DDAH1: variants seen among roughly 807,000 people sequenced by gnomAD.
The protein encoded by DDAH1 is dimethylarginine dimethylaminohydrolase 1.
A neutral mutation model predicts 28.8 loss-of-function variants in DDAH1; 19 were observed. The observed-to-expected ratio is 0.66, with a 90% confidence interval of 0.46 to 0.97. The LOEUF is 0.97. Among genes scored for constraint, DDAH1 ranks in the 50% least tolerant of loss-of-function variants. DDAH1 has a pLI of 0.00. For missense variants in DDAH1, 326 were observed against 375.9 expected, an observed-to-expected ratio of 0.87 and a Z score of 1.10; for synonymous variants, 153 against 154.4, an observed-to-expected ratio of 0.99 and a Z score of 0.07.
intron 1 of DDAH1, among the ~76,000 whole-genome samples, chr1:85,452,131 T>C (rs1272704627): frequency 2.0e-5 from 3 of 152,166 alleles, no homozygotes; most frequent in African/African-American, 4.8e-5. Context: ...ACCTTCCTAA[T>C]AGGCAATGAA....
At chr1:85,544,418 T>G (rs1424642851) in intron 1 of DDAH1, among the ~76,000 whole-genome samples, 1 of 152,168 alleles carries the variant, frequency 6.6e-6, no homozygotes, top group Non-Finnish European at 1.5e-5. Context: ...AACTCTACAT[T>G]TTAAAGAACA....
At chr1:85,338,257 A>G (rs1318178597) in intron 4 of DDAH1, among the ~76,000 whole-genome samples, 1 of 152,176 alleles carries the variant, frequency 6.6e-6, no homozygotes, top group Admixed American at 6.5e-5. Context: ...CAACAGAGAA[A>G]GGCACTATAT....
At chr1:85,514,147 TA>T (rs1229334107) in intron 1 of DDAH1, among the ~76,000 whole-genome samples, 1 of 152,154 alleles carries the variant, frequency 6.6e-6, no homozygotes, top group Non-Finnish European at 1.5e-5. Flanking sequence ...ATGTGGCACA[TA>T]TACACCATGG....
intron 2 of DDAH1, among the ~76,000 whole-genome samples, chr1:85,470,426 G>A (rs1655578192): frequency 6.6e-6 from 1 of 152,168 alleles, no homozygotes; most frequent in African/African-American, 2.4e-5. Flanking sequence ...CTCCCACTGG[G>A]TCCCTCCCAC....
chr1:85,321,861 T>C (rs1661360730), intron 5 of DDAH1, among the ~76,000 whole-genome samples: 1 of 152,212 alleles, frequency 6.6e-6, no homozygotes, highest in South Asian at 2.1e-4. Context: ...TACATGGAAG[T>C]TGGTGACCAT....
At position 85,321,640 on chromosome 1, in the gene DDAH1, T is replaced by G. The variant is rs1498375; in HGVS notation, c.742-72A>C. The G allele has an allele frequency of 2.4e-5, 28 of 1,187,800 alleles. 1 individual carries two copies. The highest frequency in any genetic ancestry group is 3.8e-4 in the Middle Eastern group (2 of 5,286). The allele number at this position is 1,187,800 out of a possible 1,614,324, so 73.6% of individuals were successfully genotyped here. A position where few individuals can be genotyped will look rare whatever the true frequency, so the allele number is the denominator to read the frequency against. On this transcript the variant is annotated intron_variant, in intron 5 of 5. Coordinates refer to ENST00000284031, the MANE Select transcript of DDAH1 (RefSeq NM_012137.4). ...ACCATCCTCAGAAGTGGAGAATCAA[T>G]TTGATTTGTACATCTAGGCTTTTCA...
At chr1:85,454,185 T>G (rs748541249) in intron 1 of DDAH1, among the ~76,000 whole-genome samples, 7 of 152,200 alleles carry the variant, frequency 4.6e-5, no homozygotes, top group Non-Finnish European at 7.3e-5. Context: ...TTTCCTGTCT[T>G]AACATAACCT....
chr1:85,442,309 G>C (rs946364022), intron 1 of DDAH1, among the ~76,000 whole-genome samples: 6 of 152,062 alleles, frequency 3.9e-5, no homozygotes, highest in African/African-American at 7.2e-5. Flanking sequence ...ATAGTTTGCT[G>C]AGAATGATGG....
At chr1:85,570,909 C>T (rs1177786500) in intron 1 of DDAH1, among the ~76,000 whole-genome samples, 1 of 152,084 alleles carries the variant, frequency 6.6e-6, no homozygotes, top group Non-Finnish European at 1.5e-5. Flanking sequence ...GGCAAACACT[C>T]ATACAGGGAG....
chr1:85,342,718 G>C (rs1489642439), intron 4 of DDAH1, among the ~76,000 whole-genome samples: 1 of 152,104 alleles, frequency 6.6e-6, no homozygotes, highest in Non-Finnish European at 1.5e-5. Context: ...TGACAAAAAC[G>C]TTGGCTTCTT....
intron 1 of DDAH1, among the ~76,000 whole-genome samples, chr1:85,421,491 G>A (rs370833250): frequency 6.6e-6 from 1 of 151,956 alleles, no homozygotes; most frequent in African/African-American, 2.4e-5. Flanking sequence ...CATACATTGA[G>A]GTTTATTCTT....
chr1:85,557,889 C>T (rs1395539972), intron 1 of DDAH1, among the ~76,000 whole-genome samples: 1 of 150,054 alleles, frequency 6.7e-6, no homozygotes, highest in African/African-American at 2.5e-5. Context: ...AAGAAACCAA[C>T]TCTGCTGATA....
chr1:85,415,554 T>C (rs1652853497), intron 1 of DDAH1, among the ~76,000 whole-genome samples: 1 of 152,166 alleles, frequency 6.6e-6, no homozygotes, highest in African/African-American at 2.4e-5. Flanking sequence ...ACTGAATATA[T>C]TCATACATTG....
At chr1:85,431,441 A>G (rs1278358967) in intron 1 of DDAH1, among the ~76,000 whole-genome samples, 1 of 152,154 alleles carries the variant, frequency 6.6e-6, no homozygotes, top group Admixed American at 6.5e-5. Context: ...TGACAGTGAG[A>G]AAACAAAAGT....
chr1:85,428,953 C>A (rs1033748316), intron 1 of DDAH1, among the ~76,000 whole-genome samples: 2 of 152,040 alleles, frequency 1.3e-5, no homozygotes, highest in African/African-American at 2.4e-5. Flanking sequence ...AAGTCTAGAG[C>A]TATAGACTGG....
intron 1 of DDAH1, chr1:85,399,949 C>T (rs1468953881): frequency 2.0e-5 from 3 of 152,046 alleles, no homozygotes; most frequent in Non-Finnish European, 4.4e-5. Context: ...TGCAATAAAG[C>T]CAACCGTGAT....
chr1:85,493,714 C>G (rs1656482827), intron 2 of DDAH1: 1 of 152,138 alleles, frequency 6.6e-6, no homozygotes. Flanking sequence ...TAAGCATGTG[C>G]CTGGAACGCT....
At chr1:85,362,737 C>A (rs966912651) in intron 1 of DDAH1, among the ~76,000 whole-genome samples, 2 of 152,144 alleles carry the variant, frequency 1.3e-5, no homozygotes, top group African/African-American at 4.8e-5. Flanking sequence ...ATGTAAAACA[C>A]CTAGCTCAGT....
intron 1 of DDAH1, among the ~76,000 whole-genome samples, chr1:85,577,310 G>A (rs1486829219): frequency 1.3e-5 from 2 of 152,240 alleles, no homozygotes; most frequent in African/African-American, 4.8e-5. Flanking sequence ...TCTCCTGGCT[G>A]TCAAGCCAAG....
Sources: gnomAD v4.1 joint callset for allele counts (sites outside exome capture counted in the v4.1 genomes callset) on GRCh38, gnomAD v4.1.1 for gene constraint, MANE v1.5 for transcripts, NCBI Gene and HGNC (gene_info 2026-07-23, HGNC 2026-07-21) for gene names.